The following CYSLTR2 variants were observed in gnomAD, a reference collection of about 807,000 sequenced individuals.
The protein encoded by CYSLTR2 is cysteinyl leukotriene receptor 2.
For missense variants in CYSLTR2, 398 were observed against 411.9 expected (o/e 0.97, Z 0.29); for synonymous variants, 179 against 160.8 (o/e 1.11, Z -0.86).
chr13:48,675,535 C>G lies in CYSLTR2; in HGVS notation c.-265-15677C>G, dbSNP rs530739671. ...AGGTTGACTTCAGACTGCTGCTGTG[C>G]TGGCAGCAAGAATTTCAAGCCAGTG... On this transcript the variant is annotated intron_variant, in intron 1 of 4. Coordinates refer to ENST00000682523, the MANE Select transcript of CYSLTR2 (RefSeq NM_001308476.3). Among the ~76,000 whole-genome samples the G allele has an allele frequency of 2.0e-4, 30 of 152,320 alleles. No homozygotes were observed. The South Asian group carries it at 3.1e-3, about 16-fold the overall frequency.
intron 1 of CYSLTR2, among the ~76,000 whole-genome samples, chr13:48,671,867 T>G (rs1593954488): frequency 1.3e-5 from 2 of 152,152 alleles, no homozygotes; most frequent in South Asian, 4.1e-4. Context: ...AGCTCCTCTT[T>G]GTACCTCTGG....
intron 1 of CYSLTR2, among the ~76,000 whole-genome samples, chr13:48,661,363 G>A (rs775992972): frequency 3.3e-5 from 5 of 151,990 alleles, no homozygotes; most frequent in African/African-American, 1.2e-4. Flanking sequence ...TGAGGTTGCT[G>A]CTCTGTTACT....
At chr13:48,704,387 G>A (rs1954427382) in intron 4 of CYSLTR2, among the ~76,000 whole-genome samples, 1 of 152,074 alleles carries the variant, frequency 6.6e-6, no homozygotes, top group African/African-American at 2.4e-5. Flanking sequence ...TGGGCATGGT[G>A]GCATGCACCT....
chr13:48,655,215 C>T (rs192836121), intron 1 of CYSLTR2, among the ~76,000 whole-genome samples: 13 of 152,298 alleles, frequency 8.5e-5, no homozygotes, highest in Non-Finnish European at 1.5e-4. Flanking sequence ...ATCTGAATCA[C>T]GCCCATATCT....
In CYSLTR2 at chr13:48,697,572, A is replaced by G. The variant is rs532946807; in HGVS notation, c.-2+946A>G. Among the ~76,000 whole-genome samples the G allele has an allele frequency of 3.9e-5, 6 of 152,350 alleles. No homozygotes were observed. In the South Asian group the frequency reaches 1.2e-3, roughly 32 times the overall value. ...CAAAGATGGGGAGAAACCAGAGCAG[A>G]AAAGCTGAAAATTCTAAAAATCAGA... is the stretch of plus-strand genomic sequence containing the variant. On this transcript the variant is annotated intron_variant, in intron 4 of 4. Transcript: ENST00000682523.
chr13:48,683,334 A>ACACTCT (rs1953808703), intron 1 of CYSLTR2, among the ~76,000 whole-genome samples: 1 of 152,224 alleles, frequency 6.6e-6, no homozygotes, highest in Non-Finnish European at 1.5e-5. Flanking sequence ...GAACAAATTT[A>ACACTCT]CACTCTCACA....
intron 1 of CYSLTR2, among the ~76,000 whole-genome samples, chr13:48,654,336 T>A (rs1407025900): frequency 1.3e-5 from 2 of 150,356 alleles, no homozygotes; most frequent in Non-Finnish European, 3.0e-5. Flanking sequence ...TATGCACATA[T>A]AACTTTAGTT....
Position 48,708,950 on chromosome 13 carries a change from A to G in CYSLTR2, c.*1092A>G, listed in dbSNP as rs199807333. On this transcript the variant is annotated 3_prime_UTR_variant, in exon 5 of 5. Coordinates refer to ENST00000682523, the MANE Select transcript of CYSLTR2 (RefSeq NM_001308476.3). ...CTATCACCATGACCATTGTACTGAC[A>G]ACAATTGAATGCAGTCTCCCTGCAG... 1 of 167,088 alleles carries G rather than the reference A, an allele frequency of 6.0e-6. No individual in the cohort carries two copies. The highest frequency in any genetic ancestry group is 1.5e-5 in the Non-Finnish European group (1 of 68,116). 10.4% of individuals were successfully genotyped at this position (167,088 alleles called of 1,614,324 possible). A position where few individuals can be genotyped will look rare whatever the true frequency, so the allele number is the denominator to read the frequency against.
At position 48,700,061 on chromosome 13, in the gene CYSLTR2, T is replaced by C. The variant is rs184101268; in HGVS notation, c.-2+3435T>C. ...CAACCAAAAAAAGTCCAGGACCAGA[T>C]GGATTCACAGCCGAATTCTACCAGA... On this transcript the variant is annotated intron_variant, in intron 4 of 4. Coordinates refer to ENST00000682523, the MANE Select transcript of CYSLTR2 (RefSeq NM_001308476.3). Among the ~76,000 whole-genome samples the C allele has an allele frequency of 6.6e-3, 999 of 152,294 alleles. 5 individuals are homozygous for C. Among genetic ancestry groups the C allele is most frequent in the Middle Eastern group, 0.027 (8 of 294 alleles).
At chr13:48,698,908 A>T (rs991175765) in intron 4 of CYSLTR2, among the ~76,000 whole-genome samples, 1 of 152,208 alleles carries the variant, frequency 6.6e-6, no homozygotes, top group Admixed American at 6.5e-5. Context: ...ACCAACAAAG[A>T]TCAAAAGAGA....
chr13:48,662,898 G>A (rs1226451725), intron 1 of CYSLTR2, among the ~76,000 whole-genome samples: 3 of 151,974 alleles, frequency 2.0e-5, no homozygotes, highest in Non-Finnish European at 4.4e-5. Context: ...GTGCTTTTGA[G>A]GTTTTATTCA....
intron 1 of CYSLTR2, among the ~76,000 whole-genome samples, chr13:48,668,178 A>G (rs1352996698): frequency 6.6e-6 from 1 of 152,150 alleles, no homozygotes; most frequent in Non-Finnish European, 1.5e-5. Context: ...TATCCCCCAA[A>G]GAGCAAGGAG....
intron 1 of CYSLTR2, among the ~76,000 whole-genome samples, chr13:48,680,760 G>T (rs1437102799): frequency 6.7e-6 from 1 of 148,482 alleles, no homozygotes; most frequent in Non-Finnish European, 1.5e-5. Flanking sequence ...GTCACATCTA[G>T]CAGACGATTT....
chr13:48,706,247 C>T (rs1053828791), intron 4 of CYSLTR2, among the ~76,000 whole-genome samples: 2 of 152,166 alleles, frequency 1.3e-5, no homozygotes, highest in Admixed American at 1.3e-4. Flanking sequence ...CTGCCAGCCT[C>T]AGCTTCCCAA....
At chr13:48,705,268 C>T (rs766429347) in intron 4 of CYSLTR2, among the ~76,000 whole-genome samples, 1 of 152,162 alleles carries the variant, frequency 6.6e-6, no homozygotes, top group Non-Finnish European at 1.5e-5. Context: ...GAATAACATG[C>T]ATTTTTCCAT....
chr13:48,701,122 G>A (rs1954331911), intron 4 of CYSLTR2, among the ~76,000 whole-genome samples: 1 of 152,096 alleles, frequency 6.6e-6, no homozygotes, highest in South Asian at 2.1e-4. Flanking sequence ...CACAGAATTG[G>A]AAAAAACTAC....
At chr13:48,676,834 T>C (rs1380963296) in intron 1 of CYSLTR2, among the ~76,000 whole-genome samples, 1 of 152,244 alleles carries the variant, frequency 6.6e-6, no homozygotes, top group African/African-American at 2.4e-5. Context: ...AATGCCAATT[T>C]AGCCTGTCTC....
At chr13:48,685,869 A>G (rs1175269080) in intron 1 of CYSLTR2, among the ~76,000 whole-genome samples, 2 of 152,222 alleles carry the variant, frequency 1.3e-5, no homozygotes, top group Admixed American at 1.3e-4. Flanking sequence ...GGTTAAAAAA[A>G]GAGAGGGAAA....
intron 1 of CYSLTR2, among the ~76,000 whole-genome samples, chr13:48,658,912 T>C (rs1013773723): frequency 4.6e-5 from 7 of 152,118 alleles, no homozygotes; most frequent in Middle Eastern, 3.4e-3. Flanking sequence ...TGGTCAGATA[T>C]GCATTTTGGA....
Sources: allele counts gnomAD v4.1 joint callset (sites outside exome capture counted in the v4.1 genomes callset), GRCh38; gene constraint gnomAD v4.1.1; transcripts MANE v1.5; gene names NCBI Gene and HGNC (gene_info 2026-07-23, HGNC 2026-07-21).